Variants in NRXN3 observed in about 807,000 individuals in gnomAD.
The protein encoded by NRXN3 is neurexin III.
A neutral mutation model predicts 137.6 loss-of-function variants in NRXN3; 32 were observed. That is an observed-to-expected ratio of 0.23 (90% confidence interval 0.18 to 0.31). NRXN3 has a LOEUF of 0.31. NRXN3 is among the 10% of genes least tolerant of loss of function. The pLI is 1.00. For synonymous variants in NRXN3, 798 were observed against 784.5 expected (o/e 1.02, Z -0.29); for missense variants, 1,574 against 2,062.5 (o/e 0.76, Z 4.59).
chr14:78,529,004 G>T (rs1183256902), intron 4 of NRXN3, among the ~76,000 whole-genome samples: 1 of 152,126 alleles, frequency 6.6e-6, no homozygotes, highest in Non-Finnish European at 1.5e-5. Flanking sequence ...TGAAGAAACT[G>T]GGGCCTAAGA....
At chr14:79,774,426 A>G (rs943591565) in intron 19 of NRXN3, among the ~76,000 whole-genome samples, 13 of 152,194 alleles carry the variant, frequency 8.5e-5, no homozygotes, top group Non-Finnish European at 1.6e-4. Flanking sequence ...TCATTTCTAT[A>G]TAATAAGTAC....
At chr14:78,724,241 A>C (rs1025447396) in intron 8 of NRXN3, among the ~76,000 whole-genome samples, 1 of 152,246 alleles carries the variant, frequency 6.6e-6, no homozygotes, top group Non-Finnish European at 1.5e-5. Context: ...TGCCTAGAGC[A>C]CATGTGTATA....
At chr14:78,982,238 AT>A (rs1214233553) in intron 14 of NRXN3, among the ~76,000 whole-genome samples, 8 of 152,250 alleles carry the variant, frequency 5.3e-5, no homozygotes, top group South Asian at 4.1e-4. Context: ...TTATTTCTTT[AT>A]TTTTTCTTTG....
intron 6 of NRXN3, among the ~76,000 whole-genome samples, chr14:78,656,683 T>C (rs1303093719): frequency 6.6e-6 from 1 of 152,108 alleles, no homozygotes; most frequent in African/African-American, 2.4e-5. Context: ...GGAGTAATGT[T>C]AATTCATCTA....
intron 15 of NRXN3, among the ~76,000 whole-genome samples, chr14:79,173,379 G>A (rs1054328238): frequency 4.0e-5 from 6 of 151,412 alleles, no homozygotes; most frequent in African/African-American, 9.7e-5. Context: ...AGGCACACAC[G>A]CACATAGCTG....
intron 4 of NRXN3, among the ~76,000 whole-genome samples, chr14:78,538,557 A>C (rs1215636961): frequency 6.6e-6 from 1 of 152,240 alleles, no homozygotes; most frequent in Non-Finnish European, 1.5e-5. Flanking sequence ...TGTCATCTGC[A>C]AATGGAGACA....
At chr14:79,150,366 C>G (rs1014664108) in intron 15 of NRXN3, among the ~76,000 whole-genome samples, 2 of 151,980 alleles carry the variant, frequency 1.3e-5, no homozygotes, top group African/African-American at 4.8e-5. Flanking sequence ...TCTTCCCCAC[C>G]ACCTTCACCA....
At chr14:79,818,560 A>C (rs1041144685) in intron 20 of NRXN3, among the ~76,000 whole-genome samples, 25 of 151,972 alleles carry the variant, frequency 1.6e-4, no homozygotes, top group African/African-American at 5.3e-4. Context: ...AGAAAGCAAA[A>C]AACAACAACA....
At chr14:78,620,831 A>G (rs1301360426) in intron 4 of NRXN3, among the ~76,000 whole-genome samples, 10 of 152,194 alleles carry the variant, frequency 6.6e-5, no homozygotes, top group Non-Finnish European at 4.4e-5. Context: ...AAACCGAGAC[A>G]TAGAGAGTTT....
intron 10 of NRXN3, among the ~76,000 whole-genome samples, chr14:78,831,534 C>CAAAAAAAAA (rs372852083): frequency 2.4e-4 from 14 of 58,200 alleles, no homozygotes; most frequent in South Asian, 2.1e-3. Context: ...GACTCCATGT[C>CAAAAAAAAA]AAAAAAAAAA....
At chr14:79,164,372 T>C (rs1531632) in intron 15 of NRXN3, among the ~76,000 whole-genome samples, 40,135 of 151,954 alleles carry the variant, frequency 0.26, 5,680 homozygotes, top group Middle Eastern at 0.31. Flanking sequence ...CATTTATGCT[T>C]ACATATATCC....
intron 4 of NRXN3, among the ~76,000 whole-genome samples, chr14:78,419,979 A>G (rs2093365126): frequency 2.5e-5 from 1 of 39,776 alleles, no homozygotes; most frequent in East Asian, 2.8e-4. Flanking sequence ...ACACACACAC[A>G]CACACACGTA....
intron 15 of NRXN3, among the ~76,000 whole-genome samples, chr14:79,261,150 A>G (rs538121153): frequency 6.6e-6 from 1 of 152,286 alleles, no homozygotes; most frequent in East Asian, 1.9e-4. Flanking sequence ...GAGGGGCATA[A>G]TGGGAGCAGT....
At chr14:79,594,469 A>T (rs1230441546) in intron 16 of NRXN3, among the ~76,000 whole-genome samples, 2 of 152,230 alleles carry the variant, frequency 1.3e-5, no homozygotes, top group East Asian at 3.8e-4. Context: ...TAAATATTAT[A>T]TACTTTTGGT....
chr14:78,595,307 A>G (rs2097149671), intron 4 of NRXN3, among the ~76,000 whole-genome samples: 1 of 152,228 alleles, frequency 6.6e-6, no homozygotes, highest in Non-Finnish European at 1.5e-5. Context: ...TGAATACCTA[A>G]GAAGAAATAT....
At chr14:79,757,352 G>A (rs1224971123) in intron 19 of NRXN3, among the ~76,000 whole-genome samples, 1 of 152,168 alleles carries the variant, frequency 6.6e-6, no homozygotes, top group East Asian at 1.9e-4. Flanking sequence ...CCTTGGTACT[G>A]TTATCATCGT....
intron 15 of NRXN3, among the ~76,000 whole-genome samples, chr14:79,237,640 T>C (rs1005785053): frequency 6.6e-6 from 1 of 152,074 alleles, no homozygotes; most frequent in Non-Finnish European, 1.5e-5. Context: ...TCATATATCT[T>C]TATTGAATAC....
At chr14:79,106,668 A>G (rs2052504538) in intron 15 of NRXN3, among the ~76,000 whole-genome samples, 1 of 152,144 alleles carries the variant, frequency 6.6e-6, no homozygotes, top group Non-Finnish European at 1.5e-5. Flanking sequence ...GTATCTTTCT[A>G]AAATAGCCAT....
At chr14:79,208,271 G>A (rs2067093742) in intron 15 of NRXN3, among the ~76,000 whole-genome samples, 1 of 152,136 alleles carries the variant, frequency 6.6e-6, no homozygotes, top group Non-Finnish European at 1.5e-5. Flanking sequence ...ACTTAATCCA[G>A]GACAGTTCCT....
Sources: gnomAD v4.1 joint callset for allele counts (sites outside exome capture counted in the v4.1 genomes callset) on GRCh38, gnomAD v4.1.1 for gene constraint, MANE v1.5 for transcripts, NCBI Gene and HGNC (gene_info 2026-07-23, HGNC 2026-07-21) for gene names.